Variants in CFAP91 observed in about 807,000 individuals in gnomAD.
CFAP91 encodes cilia- and flagella-associated protein 91.
Under a neutral mutation model 95.9 loss-of-function variants are expected in CFAP91, and 85 were observed. That is an observed-to-expected ratio of 0.89 (90% confidence interval 0.74 to 1.06). The LOEUF (loss-of-function observed/expected upper bound fraction) is 1.06, where lower values mean the gene tolerates loss of function less well. CFAP91 is among the 50% of genes least tolerant of loss of function. CFAP91 has a pLI of 0.00. For missense variants in CFAP91, 962 were observed against 943.4 expected (o/e 1.02, Z -0.26); for synonymous variants, 335 against 327.5 (o/e 1.02, Z -0.25).
chr3:119,730,987 A>G (rs911445666), intron 8 of CFAP91, among the ~76,000 whole-genome samples: 4 of 152,234 alleles, frequency 2.6e-5, no homozygotes, highest in Admixed American at 1.3e-4. Flanking sequence ...CTGTAATCCC[A>G]GCACTTTGGG....
intron 10 of CFAP91, 32 bp downstream of exon 10, chr3:119,733,538 C>G (rs1455871351): frequency 4.4e-6 from 7 of 1,598,690 alleles, no homozygotes; most frequent in Non-Finnish European, 6.0e-6. Context: ...CAAAATGCTT[C>G]TAGTATGATT....
rs1165889726 is a variant in CFAP91, at chr3:119,730,319, T to G, written c.960T>G (p.Ser320=). 1 of 1,614,114 alleles carries G rather than the reference T, an allele frequency of 6.2e-7. No individual in the cohort carries two copies. The highest frequency in any genetic ancestry group is 1.7e-5 in the Admixed American group (1 of 60,024). The part of the protein sequence containing the change: ...VNMKHLNARW[S]KLQEGKEAKM... ...TGAAGCACTTGAATGCCCGGTGGTC[T>G]AAACTGCAGGAGGGAAAAGAGGCAA... Residue 320 remains serine (S), a synonymous_variant, in exon 8 of 18, where the codon TCT becomes TCG. Transcript: ENST00000273390.
intron 1 of CFAP91, among the ~76,000 whole-genome samples, chr3:119,703,783 C>T (rs1577190727): frequency 6.6e-6 from 1 of 152,008 alleles, no homozygotes; most frequent in Non-Finnish European, 1.5e-5. Flanking sequence ...TTTATGTTTT[C>T]TCTCTCTCCA....
chr3:119,752,235 G>A (rs752589879), intron 17 of CFAP91: 9 of 152,146 alleles, frequency 5.9e-5, no homozygotes, highest in Admixed American at 1.3e-4. Flanking sequence ...GCATTCAGAA[G>A]TTTTGTATAT....
chr3:119,713,667 A>G (rs759832651), intron 5 of CFAP91, among the ~76,000 whole-genome samples: 9 of 152,246 alleles, frequency 5.9e-5, no homozygotes, highest in African/African-American at 7.2e-5. Context: ...TCAGAAAAGT[A>G]TAAAGATGAA....
At chr3:119,705,193 A>G (rs1420053019) in intron 1 of CFAP91, among the ~76,000 whole-genome samples, 1 of 152,222 alleles carries the variant, frequency 6.6e-6, no homozygotes, top group Non-Finnish European at 1.5e-5. Flanking sequence ...GCTCACCACC[A>G]ATTGTATAGC....
intron 6 of CFAP91, among the ~76,000 whole-genome samples, chr3:119,723,364 T>G (rs2053722261): frequency 6.6e-6 from 1 of 152,208 alleles, no homozygotes; most frequent in African/African-American, 2.4e-5. Context: ...CATTTCTACT[T>G]CTAAGAATCC....
Position 119,726,212 on chromosome 3 carries a change from G to T in CFAP91, c.724G>T (p.Glu242Ter), listed in dbSNP as rs2053780116. The T allele has an allele frequency of 1.2e-6, 2 of 1,613,230 alleles. No homozygotes were observed. Among genetic ancestry groups the T allele is most frequent in the African/African-American group, 2.7e-5 (2 of 74,878 alleles). ...PAGQAEVEMI[E>*]RAREKRAWEA... ...AGGACAAGCTGAGGTGGAGATGATAGAAAGAGCCCGCGAGAAGCGTGCTTG... is the reference window on the plus strand; with the variant it reads ...AGGACAAGCTGAGGTGGAGATGATATAAAGAGCCCGCGAGAAGCGTGCTTG... Residue 242 changes from glutamate (E) to a stop codon, truncating the protein, a stop_gained, in exon 7 of 18, where the codon GAA becomes TAA. Coordinates refer to ENST00000273390, the MANE Select transcript of CFAP91 (RefSeq NM_033364.4). LOFTEE classifies it high-confidence loss of function.
chr3:119,709,894 A>G lies in CFAP91; in HGVS notation c.499A>G (p.Lys167Glu). 1 of 1,605,290 alleles carries G rather than the reference A, an allele frequency of 6.2e-7. No homozygotes were observed. ...ATTCAATGTTGTTTATGCCGTATCC[A>G]AGTAAGTAACCATTATTTGAAAACT... The part of the protein sequence containing the change: ...MPFNVVYAVS[K>E]AEPYTFPPTS... The change falls in exon 5 of 18, where the codon AAG (lysine) becomes GAG (glutamate). Residue 167 changes from lysine to glutamate, a missense_variant and splice_region_variant. Transcript: ENST00000273390.
At chr3:119,728,766 T>C (rs1195046795) in intron 7 of CFAP91, among the ~76,000 whole-genome samples, 1 of 152,196 alleles carries the variant, frequency 6.6e-6, no homozygotes, top group Non-Finnish European at 1.5e-5. Context: ...TTTGTCAATG[T>C]AGCAAATCCC....
intron 8 of CFAP91, among the ~76,000 whole-genome samples, chr3:119,731,120 C>T (rs2053888714): frequency 6.6e-6 from 1 of 152,120 alleles, no homozygotes; most frequent in South Asian, 2.1e-4. Context: ...CATCTGTAGT[C>T]ATAGCTACTT....
At chr3:119,704,188 A>G (rs1371758107) in intron 1 of CFAP91, among the ~76,000 whole-genome samples, 3 of 151,780 alleles carry the variant, frequency 2.0e-5, no homozygotes, top group African/African-American at 4.8e-5. Flanking sequence ...TTTTTTTTTC[A>G]CGGGTAATTT....
At chr3:119,738,097 C>G (rs997016181) in intron 11 of CFAP91, among the ~76,000 whole-genome samples, 2 of 152,092 alleles carry the variant, frequency 1.3e-5, no homozygotes, top group African/African-American at 4.8e-5. Flanking sequence ...GGCTGGTCAG[C>G]ACATTATCTC....
chr3:119,724,168 C>CA (rs60965924), intron 6 of CFAP91, among the ~76,000 whole-genome samples: 7,109 of 98,580 alleles, frequency 0.072, 543 homozygotes, highest in African/African-American at 0.24. Context: ...GACTTCATCT[C>CA]AAAAAAAAAA....
rs1318969304 is a variant in CFAP91 at position 119,732,424 on chromosome 3, C to G, written c.1149C>G (p.Asp383Glu). 2 of 1,611,970 alleles carry G rather than the reference C, an allele frequency of 1.2e-6. No homozygotes were observed. The highest frequency in any genetic ancestry group is 1.7e-6 in the Non-Finnish European group (2 of 1,179,306). Residue 383 changes from aspartate (D) to glutamate (E), a missense_variant, in exon 9 of 18, where the codon GAC becomes GAG. Coordinates refer to ENST00000273390, the MANE Select transcript of CFAP91 (RefSeq NM_033364.4). ...GPLSRLGCFP[D>E]NNSEDFVVKN... ...TGTCTCGTCTTGGGTGTTTCCCAGA[C>G]AACAACTCAGAGGACTTTGTAGTAA...
chr3:119,755,948 T>G (rs145767986), intron 17 of CFAP91, among the ~76,000 whole-genome samples: 1 of 152,212 alleles, frequency 6.6e-6, no homozygotes, highest in South Asian at 2.1e-4. Context: ...AGCTTAATGA[T>G]TTAGAAAAGG....
chr3:119,713,877 T>C (rs1158152926), intron 5 of CFAP91, among the ~76,000 whole-genome samples: 1 of 152,058 alleles, frequency 6.6e-6, no homozygotes, highest in Non-Finnish European at 1.5e-5. Flanking sequence ...AGGTATAGAT[T>C]ACATTATTAT....
chr3:119,733,146 G>T (rs1361998677), intron 9 of CFAP91, among the ~76,000 whole-genome samples: 1 of 152,130 alleles, frequency 6.6e-6, no homozygotes, highest in Non-Finnish European at 1.5e-5. Context: ...ACTTTAGAAT[G>T]CATTTCTCAT....
intron 11 of CFAP91, 67 bp from the exon 12 acceptor site, chr3:119,739,188 A>T: frequency 7.3e-7 from 1 of 1,373,866 alleles, no homozygotes. Context: ...ATAAGTCTTC[A>T]AAAGAATATT....
Sources: allele counts gnomAD v4.1 joint callset (sites outside exome capture counted in the v4.1 genomes callset), GRCh38; gene constraint gnomAD v4.1.1; transcripts MANE v1.5; gene names NCBI Gene and HGNC (gene_info 2026-07-23, HGNC 2026-07-21).